TGDS: variants seen among roughly 807,000 people sequenced by gnomAD.
TGDS encodes TDP-glucose 4,6-dehydratase.
Under a neutral mutation model 52.3 loss-of-function variants are expected in TGDS, and 47 were observed. The observed-to-expected ratio is 0.90, with a 90% confidence interval of 0.71 to 1.15. The LOEUF is 1.15. Among genes scored for constraint, TGDS ranks in the 50% most tolerant of loss-of-function variants. The probability of loss-of-function intolerance (pLI) is 0.00; values close to 1 mark genes in which losing one functional copy is unlikely to be tolerated. For missense variants in TGDS, 375 were observed against 418.4 expected (o/e 0.90, Z 0.90); for synonymous variants, 115 against 136.9 (o/e 0.84, Z 1.12).
At chr13:94,576,189 G>A in intron 11 of TGDS, 125 bp downstream of exon 11, 1 of 556,442 alleles carries the variant, frequency 1.8e-6, no homozygotes, top group Non-Finnish European at 2.9e-6. Context: ...TATGAAATGT[G>A]GCAATTTGAA....
chr13:94,583,242 A>G lies in TGDS; in HGVS notation c.314-6T>C, dbSNP rs767899316. The G allele has an allele frequency of 1.9e-6, 3 of 1,610,524 alleles. No homozygotes were observed. The South Asian group carries it at 3.3e-5, about 18-fold the overall frequency. ...GGCACGTACGAATGAAAGATCTAAAAGAAAAGAGTGAAAAGCTAAAACAAG... is the reference window on the plus strand; with the variant it reads ...GGCACGTACGAATGAAAGATCTAAAGGAAAAGAGTGAAAAGCTAAAACAAG... On this transcript the variant is annotated splice_polypyrimidine_tract_variant and splice_region_variant and intron_variant, in intron 4 of 11. Coordinates refer to ENST00000261296, the MANE Select transcript of TGDS (RefSeq NM_014305.4).
chr13:94,576,425 A>C lies in TGDS; in HGVS notation c.885-14T>G. ...TCATTGGTGGGTCTTGGAAAACAAA[A>C]CAGATTTAAAATAATATTGTAGATA... is the stretch of plus-strand genomic sequence containing the variant. On this transcript the variant is annotated splice_polypyrimidine_tract_variant and intron_variant, in intron 10 of 11. Coordinates refer to ENST00000261296, the MANE Select transcript of TGDS (RefSeq NM_014305.4). The C allele has an allele frequency of 6.6e-7, 1 of 1,523,060 alleles. No homozygotes were observed. The highest frequency in any genetic ancestry group is 8.9e-7 in the Non-Finnish European group (1 of 1,119,422). 94.3% of individuals were successfully genotyped at this position (1,523,060 alleles called of 1,614,324 possible).
intron 4 of TGDS, among the ~76,000 whole-genome samples, chr13:94,587,019 C>A (rs1008683882): frequency 2.0e-5 from 3 of 152,008 alleles, no homozygotes; most frequent in Admixed American, 2.0e-4. Flanking sequence ...CCTGCCTTGG[C>A]CTCTCAAAGT....
At chr13:94,577,464 TA>T in intron 9 of TGDS, 35 bp from the exon 10 acceptor site, 1 of 1,514,136 alleles carries the variant, frequency 6.6e-7, no homozygotes, top group Non-Finnish European at 8.8e-7. Context: ...AGTCAAATTA[TA>T]AAATGAGATC....
chr13:94,589,622 C>CA (rs1458981868), intron 4 of TGDS, among the ~76,000 whole-genome samples: 2 of 151,974 alleles, frequency 1.3e-5, no homozygotes, highest in Non-Finnish European at 2.9e-5. Flanking sequence ...CCAAAATGGA[C>CA]AAAAGATTTC....
chr13:94,576,285 GC>G, intron 11 of TGDS, 28 bp downstream of exon 11: 1 of 1,466,692 alleles, frequency 6.8e-7, no homozygotes, highest in African/African-American at 1.4e-5. Context: ...TTTCTGACTT[GC>G]CCCCAAAATG....
At chr13:94,582,704 A>G (rs893023656) in intron 5 of TGDS, among the ~76,000 whole-genome samples, 24 of 152,232 alleles carry the variant, frequency 1.6e-4, no homozygotes, top group Middle Eastern at 3.2e-3. Context: ...ATCAGCTGCC[A>G]GAGTGGCTAG....
At chr13:94,593,134 C>G (rs1012689732) in intron 2 of TGDS, among the ~76,000 whole-genome samples, 3 of 151,712 alleles carry the variant, frequency 2.0e-5, no homozygotes, top group Non-Finnish European at 2.9e-5. Context: ...AGCCTGGCAA[C>G]AGAGTGAGAG....
intron 5 of TGDS, among the ~76,000 whole-genome samples, chr13:94,582,689 A>T (rs1237492743): frequency 1.3e-5 from 2 of 152,220 alleles, no homozygotes; most frequent in Admixed American, 1.3e-4. Context: ...AGTATGCACC[A>T]TCTAATCAGC....
intron 4 of TGDS, among the ~76,000 whole-genome samples, chr13:94,585,678 T>C (rs1373154832): frequency 2.0e-5 from 3 of 151,738 alleles, no homozygotes. Context: ...CACACGCCTG[T>C]AATCCCAGCT....
chr13:94,581,236 G>T, intron 5 of TGDS, 47 bp from the exon 6 acceptor site: 1 of 1,282,450 alleles, frequency 7.8e-7, no homozygotes, highest in Non-Finnish European at 1.1e-6. Flanking sequence ...CATATTTTAA[G>T]TATAGAAATC....
chr13:94,575,457 T>C (rs1046034606), intron 11 of TGDS, among the ~76,000 whole-genome samples: 2 of 151,920 alleles, frequency 1.3e-5, no homozygotes, highest in Non-Finnish European at 2.9e-5. Context: ...GCCCCGCTGA[T>C]TTTTTTACTT....
chr13:94,581,627 A>C (rs1888797541), intron 5 of TGDS, among the ~76,000 whole-genome samples: 1 of 152,210 alleles, frequency 6.6e-6, no homozygotes, highest in Non-Finnish European at 1.5e-5. Context: ...TGAAGAAAGA[A>C]GTTTACCTGA....
rs1157277857 is a variant in TGDS, at chr13:94,596,087, G to A, written c.50C>T (p.Ala17Val). 1.9e-6 allele frequency: 3 copies of A among 1,613,986 alleles called. No individual in the cohort carries two copies. Among genetic ancestry groups the A allele is most frequent in the African/African-American group, 2.7e-5 (2 of 74,914 alleles). Reference sequence around the variant, plus strand: ...ACCGCCGGTCACCAGGACCCGCTTCGCAAAGCCGCCGGGAAGACCCCACGG... The same window carrying A: ...ACCGCCGGTCACCAGGACCCGCTTCACAAAGCCGCCGGGAAGACCCCACGG... Reference protein sequence around the residue: ...EEPWGLPGGFAKRVLVTGGAG... With the variant: ...EEPWGLPGGFVKRVLVTGGAG... Residue 17 changes from alanine to valine, a missense_variant, in exon 1 of 12, where the codon GCG becomes GTG. Physicochemically the swap from Ala to Val is moderately conservative, Grantham distance 64. Transcript: ENST00000261296.
chr13:94,587,914 A>ACT (rs1440233264), intron 4 of TGDS, among the ~76,000 whole-genome samples: 14 of 148,312 alleles, frequency 9.4e-5, no homozygotes, highest in Non-Finnish European at 2.1e-4. Flanking sequence ...GGAGAATGGC[A>ACT]TGAACCCAGG....
chr13:94,588,421 C>CA lies in TGDS; in HGVS notation c.313+2431dup, dbSNP rs150186125. On this transcript the variant is annotated intron_variant, in intron 4 of 11. Transcript: ENST00000261296. ...CTGGGCAATCAGCGAGACTCTGTCT[C>CA]AAAAAAAAAAAAAAAAAAAAAAAAA... is the stretch of plus-strand genomic sequence containing the variant. 8.1e-3 allele frequency among the ~76,000 whole-genome samples: 472 copies of CA among 58,478 alleles called. 34 individuals carry two copies. Among genetic ancestry groups the CA allele is most frequent in the African/African-American group, 0.011 (163 of 14,390 alleles). 38.4% of individuals were successfully genotyped at this position (58,478 alleles called of 152,430 possible).
At chr13:94,577,676 T>A (rs9301978) in intron 9 of TGDS, among the ~76,000 whole-genome samples, 1 of 152,050 alleles carries the variant, frequency 6.6e-6, no homozygotes, top group Non-Finnish European at 1.5e-5. Context: ...AAAATTGATG[T>A]CCCCTAATAT....
chr13:94,586,748 A>ATTCTTTTTTTTTTTTTTTT lies in TGDS; in HGVS notation c.314-3513_314-3512insAAAAAAAAAAAAAAAAGAA, dbSNP rs1566960948. Among the ~76,000 whole-genome samples, 2 of 88,444 alleles carry ATTCTTTTTTTTTTTTTTTT rather than the reference A, an allele frequency of 2.3e-5. 1 individual carries two copies. The highest frequency in any genetic ancestry group is 5.0e-5 in the Non-Finnish European group (2 of 39,724). 58.0% of individuals were successfully genotyped at this position (88,444 alleles called of 152,430 possible). On this transcript the variant is annotated intron_variant, in intron 4 of 11. Coordinates refer to ENST00000261296, the MANE Select transcript of TGDS (RefSeq NM_014305.4). ...ACCCACGGATGAGAGAAGAAATCAA[A>ATTCTTTTTTTTTTTTTTTT]TTATTTTTTTTTTTTTTTTTTTTTT...
At chr13:94,578,926 T>C (rs776614799) in intron 7 of TGDS, among the ~76,000 whole-genome samples, 153 bp from the exon 8 acceptor site, 1 of 152,186 alleles carries the variant, frequency 6.6e-6, no homozygotes, top group African/African-American at 2.4e-5. Flanking sequence ...CTATAGTATT[T>C]GATATGTAAA....
Sources: allele counts gnomAD v4.1 joint callset (sites outside exome capture counted in the v4.1 genomes callset), GRCh38; gene constraint gnomAD v4.1.1; transcripts MANE v1.5; gene names NCBI Gene and HGNC (gene_info 2026-07-23, HGNC 2026-07-21).